SNX7: variants seen among roughly 807,000 people sequenced by gnomAD.
SNX7 encodes the protein sorting nexin 7, also known as sorting nexin-7.
In SNX7, 35 loss-of-function variants were observed where a neutral mutation model predicts 48.4. That is an observed-to-expected ratio of 0.72 (90% CI 0.55 to 0.96). The LOEUF (loss-of-function observed/expected upper bound fraction) is 0.96. Among genes scored for constraint, SNX7 ranks in the 40% least tolerant of loss-of-function variants. SNX7 has a pLI of 0.00. For missense variants in SNX7, 553 were observed against 548.9 expected, an observed-to-expected ratio of 1.01 and a Z score of -0.07; for synonymous variants, 190 against 190.2, an observed-to-expected ratio of 1.00 and a Z score of 0.01.
At chr1:98,701,548 A>G (rs540846262) in intron 6 of SNX7, among the ~76,000 whole-genome samples, 1 of 152,174 alleles carries the variant, frequency 6.6e-6, no homozygotes, top group East Asian at 1.9e-4. Flanking sequence ...AATGTAGTAC[A>G]TATGTACAAT....
chr1:98,703,942 G>C (rs1158392798), intron 7 of SNX7, among the ~76,000 whole-genome samples: 1 of 151,908 alleles, frequency 6.6e-6, no homozygotes, highest in Non-Finnish European at 1.5e-5. Flanking sequence ...GAAAAACCAA[G>C]CATATGTTAA....
At chr1:98,740,980 C>G (rs1354007418) in intron 8 of SNX7, among the ~76,000 whole-genome samples, 1 of 152,008 alleles carries the variant, frequency 6.6e-6, no homozygotes, top group Non-Finnish European at 1.5e-5. Flanking sequence ...AAAACAAAAT[C>G]AAGAAGTTGG....
At chr1:98,750,947 A>T (rs566844373) in intron 8 of SNX7, among the ~76,000 whole-genome samples, 6 of 152,184 alleles carry the variant, frequency 3.9e-5, no homozygotes, top group African/African-American at 1.4e-4. Flanking sequence ...ATATGATTTC[A>T]TTTGCCAACT....
At chr1:98,730,150 G>T (rs1653429471) in intron 7 of SNX7, among the ~76,000 whole-genome samples, 1 of 152,074 alleles carries the variant, frequency 6.6e-6, no homozygotes. Context: ...CAGAACCAAA[G>T]ACAAAAACCA....
intron 7 of SNX7, among the ~76,000 whole-genome samples, chr1:98,734,222 T>C (rs1239536933): frequency 6.6e-6 from 1 of 152,202 alleles, no homozygotes; most frequent in African/African-American, 2.4e-5. Flanking sequence ...TCTTCCATTC[T>C]GTATCTGTAA....
chr1:98,677,722 A>G (rs1410896032), intron 1 of SNX7, among the ~76,000 whole-genome samples: 1 of 152,024 alleles, frequency 6.6e-6, no homozygotes, highest in African/African-American at 2.4e-5. Flanking sequence ...TACTAAAAAT[A>G]CAAAAATTAA....
Position 98,718,631 on chromosome 1 carries a change from A to G in SNX7, c.1125+16728A>G, listed in dbSNP as rs138107484. ...CATGGCTCAAAATTCATAAATTTAG[A>G]AAACACACCCAGTGAAAAGTGTGCC... is the stretch of plus-strand genomic sequence containing the variant. On this transcript the variant is annotated intron_variant, in intron 7 of 8. Coordinates refer to ENST00000306121, the MANE Select transcript of SNX7 (RefSeq NM_015976.5). Among the ~76,000 whole-genome samples the G allele has an allele frequency of 2.6e-4, 39 of 152,262 alleles. 1 individual carries two copies. The East Asian group carries it at 6.2e-3, about 24-fold the overall frequency.
intron 1 of SNX7, 126 bp downstream of exon 1, chr1:98,662,037 T>C: frequency 9.7e-7 from 1 of 1,028,014 alleles, no homozygotes; most frequent in Non-Finnish European, 1.3e-6. Flanking sequence ...TGGGGACGAG[T>C]GAGGTCCCCC....
chr1:98,694,596 A>ATTTTTTTTTTTTTTT (rs764330196), intron 4 of SNX7, among the ~76,000 whole-genome samples: 2 of 53,224 alleles, frequency 3.8e-5, no homozygotes, highest in Admixed American at 3.5e-4. Context: ...TTGCTCTGGG[A>ATTTTTTTTTTTTTTT]TTTTTTTTTT....
chr1:98,741,031 G>A (rs1654043900), intron 8 of SNX7, among the ~76,000 whole-genome samples: 1 of 152,096 alleles, frequency 6.6e-6, no homozygotes, highest in South Asian at 2.1e-4. Context: ...AAAGATTAAG[G>A]CCTAAACAGC....
rs748180744 is a variant in SNX7, at chr1:98,738,333, G to C, written c.1222G>C (p.Asp408His). 1 of 1,613,482 alleles carries C rather than the reference G, an allele frequency of 6.2e-7. No homozygotes were observed. The highest frequency in any genetic ancestry group is 1.1e-5 in the South Asian group (1 of 91,062). The part of the protein sequence containing the change: ...WERWKQNMQN[D>H]IKLAFTDMAE... Reference sequence around the variant, plus strand: ...GAGATGGAAACAAAATATGCAAAATGATATCAAGTTAGCATTTACAGATAT... The same window carrying C: ...GAGATGGAAACAAAATATGCAAAATCATATCAAGTTAGCATTTACAGATAT... The change falls in exon 8 of 9, where the codon GAT (aspartate) becomes CAT (histidine). Residue 408 changes from aspartate to histidine, a missense_variant. Asp to His is a moderately conservative substitution (Grantham distance 81). Coordinates refer to ENST00000306121, the MANE Select transcript of SNX7 (RefSeq NM_015976.5).
At chr1:98,717,843 A>T (rs1388831885) in intron 7 of SNX7, among the ~76,000 whole-genome samples, 1 of 152,072 alleles carries the variant, frequency 6.6e-6, no homozygotes, top group Non-Finnish European at 1.5e-5. Flanking sequence ...TTACAAAGAT[A>T]GTGTCCTTCC....
chr1:98,730,457 A>G (rs1653452352), intron 7 of SNX7, among the ~76,000 whole-genome samples: 1 of 152,026 alleles, frequency 6.6e-6, no homozygotes, highest in African/African-American at 2.4e-5. Context: ...AAGAGAGGAA[A>G]TCAAGCTGTC....
At chr1:98,747,168 A>G (rs1654346967) in intron 8 of SNX7, among the ~76,000 whole-genome samples, 1 of 152,118 alleles carries the variant, frequency 6.6e-6, no homozygotes, top group South Asian at 2.1e-4. Context: ...ATGTGCTTGT[A>G]TGGTTGTGAT....
chr1:98,663,920 G>A (rs1009090655), intron 1 of SNX7, among the ~76,000 whole-genome samples: 89 of 152,302 alleles, frequency 5.8e-4, no homozygotes, highest in African/African-American at 2.1e-3. Context: ...AATCCAACAA[G>A]AGTAGTTGGA....
chr1:98,749,438 CTT>C (rs1274327018), intron 8 of SNX7, among the ~76,000 whole-genome samples: 4 of 152,164 alleles, frequency 2.6e-5, no homozygotes, highest in African/African-American at 9.6e-5. Context: ...CACTTACATT[CTT>C]GAGAGATATG....
intron 8 of SNX7, among the ~76,000 whole-genome samples, chr1:98,748,637 AACACACACACAC>A (rs58973289): frequency 7.5e-5 from 11 of 145,790 alleles, no homozygotes; most frequent in South Asian, 2.3e-4. Flanking sequence ...AAATGATTTA[AACACACACACAC>A]ACACACACAC....
chr1:98,675,082 G>C (rs911617003), intron 1 of SNX7, among the ~76,000 whole-genome samples: 14 of 152,140 alleles, frequency 9.2e-5, no homozygotes, highest in Non-Finnish European at 1.9e-4. Flanking sequence ...GAGACAGAGA[G>C]ACACACATCC....
chr1:98,756,422 G>GCTTTT (rs1654852356), intron 8 of SNX7, among the ~76,000 whole-genome samples: 1 of 54,686 alleles, frequency 1.8e-5, no homozygotes, highest in African/African-American at 6.9e-5. Context: ...TGCCAGATGA[G>GCTTTT]TTTTTTTTTT....
Sources: gnomAD v4.1 joint callset for allele counts (sites outside exome capture counted in the v4.1 genomes callset) on GRCh38, gnomAD v4.1.1 for gene constraint, MANE v1.5 for transcripts, NCBI Gene and HGNC (gene_info 2026-07-23, HGNC 2026-07-21) for gene names.